The following UST variants were observed in gnomAD, a reference collection of about 807,000 sequenced individuals.
UST encodes uronyl 2-sulfotransferase.
Under a neutral mutation model 45.6 loss-of-function variants are expected in UST, and 21 were observed. The ratio of observed to expected loss-of-function variants is 0.46; its 90% CI spans 0.33 to 0.66. The LOEUF (loss-of-function observed/expected upper bound fraction) is 0.66, where lower values mean the gene tolerates loss of function less well. Ranked by LOEUF, UST falls within the 30% of genes least tolerant of loss-of-function variation. The pLI is 0.02. For synonymous variants in UST, 215 were observed against 200.6 expected (o/e 1.07, Z -0.61); for missense variants, 463 against 512.4 (o/e 0.90, Z 0.93).
intron 2 of UST, among the ~76,000 whole-genome samples, chr6:148,921,595 C>T (rs1779707958): frequency 6.6e-6 from 1 of 152,166 alleles, no homozygotes; most frequent in African/African-American, 2.4e-5. Context: ...TAAGCATTTC[C>T]CTCTCTGGAG....
At chr6:148,789,412 G>A (rs556521115) in intron 1 of UST, among the ~76,000 whole-genome samples, 48 of 149,794 alleles carry the variant, frequency 3.2e-4, no homozygotes, top group African/African-American at 1.0e-3. Flanking sequence ...CAAGGATCTA[G>A]AGTTCTTGTG....
At chr6:149,041,187 A>T (rs1424158229) in intron 7 of UST, among the ~76,000 whole-genome samples, 2 of 152,200 alleles carry the variant, frequency 1.3e-5, no homozygotes, top group Non-Finnish European at 2.9e-5. Context: ...ATATTGATGC[A>T]TTTAATAGTC....
chr6:148,837,616 A>G (rs1777810196), intron 1 of UST, among the ~76,000 whole-genome samples: 1 of 152,232 alleles, frequency 6.6e-6, no homozygotes, highest in Non-Finnish European at 1.5e-5. Flanking sequence ...ATATTTATTA[A>G]ATGCCTACCA....
At chr6:148,992,468 CAAAACAA>C (rs1003584069) in intron 5 of UST, among the ~76,000 whole-genome samples, 9 of 152,028 alleles carry the variant, frequency 5.9e-5, no homozygotes, top group East Asian at 1.9e-4. Flanking sequence ...GATTACGTCT[CAAAACAA>C]AAAACAAAAA....
chr6:148,758,837 T>A (rs1375963062), intron 1 of UST, among the ~76,000 whole-genome samples: 1 of 152,224 alleles, frequency 6.6e-6, no homozygotes, highest in Non-Finnish European at 1.5e-5. Context: ...TTACATTATT[T>A]CGTAGAAAGT....
chr6:148,890,907 CAG>C (rs1177075381), intron 2 of UST, among the ~76,000 whole-genome samples: 1 of 152,108 alleles, frequency 6.6e-6, no homozygotes. Context: ...GCAAATGAAA[CAG>C]AAAGATTATT....
chr6:149,060,386 G>A (rs1049148170), intron 7 of UST, among the ~76,000 whole-genome samples: 3 of 152,286 alleles, frequency 2.0e-5, no homozygotes, highest in South Asian at 4.1e-4. Context: ...CAAATGTAGC[G>A]CTGGCCCGGC....
intron 2 of UST, 94 bp from the exon 3 acceptor site, chr6:148,941,185 T>C (rs1413614129): frequency 2.1e-6 from 3 of 1,460,786 alleles, no homozygotes; most frequent in East Asian, 2.3e-5. Flanking sequence ...CTCAGATTTA[T>C]TATATGAAAC....
At chr6:148,819,095 C>T (rs1273862430) in intron 1 of UST, among the ~76,000 whole-genome samples, 1 of 152,182 alleles carries the variant, frequency 6.6e-6, no homozygotes, top group African/African-American at 2.4e-5. Flanking sequence ...CAAAACCCCG[C>T]TGGGCTCTGT....
At chr6:148,965,759 T>TTTCC (rs1780778722) in intron 5 of UST, among the ~76,000 whole-genome samples, 1 of 152,194 alleles carries the variant, frequency 6.6e-6, no homozygotes, top group South Asian at 2.1e-4. Context: ...GACCCACGGC[T>TTTCC]TTCCACTCAC....
At chr6:148,750,523 G>A (rs1480476831) in intron 1 of UST, among the ~76,000 whole-genome samples, 2 of 152,132 alleles carry the variant, frequency 1.3e-5, no homozygotes, top group African/African-American at 4.8e-5. Context: ...CATAGCAAGC[G>A]AGGCAGGACT....
At chr6:148,997,734 A>C (rs1371218096) in intron 5 of UST, among the ~76,000 whole-genome samples, 1 of 152,216 alleles carries the variant, frequency 6.6e-6, no homozygotes, top group Non-Finnish European at 1.5e-5. Flanking sequence ...AATACTCACA[A>C]AAGAGAATAG....
intron 1 of UST, among the ~76,000 whole-genome samples, chr6:148,839,580 CG>C (rs1311914153): frequency 6.6e-6 from 1 of 152,160 alleles, no homozygotes; most frequent in Non-Finnish European, 1.5e-5. Flanking sequence ...TAAGAGGTGA[CG>C]TTGATGCTGC....
intron 1 of UST, among the ~76,000 whole-genome samples, chr6:148,785,532 A>G (rs1776718280): frequency 2.0e-5 from 3 of 152,228 alleles, no homozygotes; most frequent in African/African-American, 7.2e-5. Flanking sequence ...CATACTATTA[A>G]AATGACCAGC....
At chr6:149,044,841 C>G (rs1582974426) in intron 7 of UST, among the ~76,000 whole-genome samples, 1 of 152,176 alleles carries the variant, frequency 6.6e-6, no homozygotes, top group South Asian at 2.1e-4. Context: ...ATAACACGTG[C>G]TTTGGATATC....
intron 1 of UST, among the ~76,000 whole-genome samples, chr6:148,828,806 A>T (rs575959251): frequency 6.6e-6 from 1 of 152,374 alleles, no homozygotes; most frequent in South Asian, 2.1e-4. Flanking sequence ...TCAAGTCTTA[A>T]TGAATCATTA....
chr6:148,831,758 G>A (rs1366889960), intron 1 of UST, among the ~76,000 whole-genome samples: 1 of 152,060 alleles, frequency 6.6e-6, no homozygotes, highest in African/African-American at 2.4e-5. Flanking sequence ...TTGTGCCACT[G>A]CATTCCAGCC....
chr6:148,754,075 AGC>A (rs1419368723), intron 1 of UST, among the ~76,000 whole-genome samples: 6 of 151,578 alleles, frequency 4.0e-5, no homozygotes, highest in Admixed American at 6.6e-5. Flanking sequence ...GCTCACTGCA[AGC>A]TCTGCCTCCC....
intron 7 of UST, among the ~76,000 whole-genome samples, chr6:149,068,045 C>T (rs536821379): frequency 1.1e-4 from 16 of 151,940 alleles, no homozygotes; most frequent in African/African-American, 1.7e-4. Context: ...TTTTTTTAAT[C>T]GGCCCTTTTC....
Sources: allele counts gnomAD v4.1 joint callset (sites outside exome capture counted in the v4.1 genomes callset), GRCh38; gene constraint gnomAD v4.1.1; transcripts MANE v1.5; gene names NCBI Gene and HGNC (gene_info 2026-07-23, HGNC 2026-07-21).